Variants in ANXA8 observed in about 807,000 individuals in gnomAD.
The protein encoded by ANXA8 is annexin A8.
A neutral mutation model predicts 26.8 loss-of-function variants in ANXA8; 9 were observed. That is an observed-to-expected ratio of 0.34 (90% confidence interval 0.20 to 0.59). The LOEUF is 0.59. Among genes scored for constraint, ANXA8 ranks in the 20% least tolerant of loss-of-function variants. The pLI, the probability that ANXA8 is intolerant of heterozygous loss-of-function variation, is 0.84. For missense variants in ANXA8, 83 were observed against 238.5 expected (o/e 0.35, Z 4.29); for synonymous variants, 39 against 94.8 (o/e 0.41, Z 3.42).
chr10:47,633,835 C>A, the ANXA8 span, among the ~76,000 whole-genome samples: 5 of 149,776 alleles, frequency 3.3e-5, no homozygotes, highest in African/African-American at 1.0e-4. Flanking sequence ...TTTCAAAATA[C>A]CACTCAAATG....
the ANXA8 span, among the ~76,000 whole-genome samples, chr10:47,686,116 C>G: frequency 6.6e-6 from 1 of 151,572 alleles, no homozygotes; most frequent in Non-Finnish European, 1.5e-5. Context: ...GTCCTAAGAG[C>G]CTACGAAAAA....
At chr10:47,769,123 G>A in the ANXA8 span, among the ~76,000 whole-genome samples, 2 of 141,408 alleles carry the variant, frequency 1.4e-5, no homozygotes, top group Non-Finnish European at 3.0e-5. Flanking sequence ...GTAGAGGAGG[G>A]AGCAAGTGGC....
At chr10:47,652,338 C>T in the ANXA8 span, among the ~76,000 whole-genome samples, 2 of 151,724 alleles carry the variant, frequency 1.3e-5, no homozygotes, top group African/African-American at 4.9e-5. Flanking sequence ...TGGCTGAAGC[C>T]TGTAATCCCA....
At chr10:47,647,182 A>G in the ANXA8 span, among the ~76,000 whole-genome samples, 1 of 152,252 alleles carries the variant, frequency 6.6e-6, no homozygotes, top group Non-Finnish European at 1.5e-5. Flanking sequence ...TATAAAAGTT[A>G]CAATCCTTAT....
chr10:47,745,734 GGTTCATTGCGTT>G, the ANXA8 span, among the ~76,000 whole-genome samples: 1 of 135,168 alleles, frequency 7.4e-6, no homozygotes, highest in African/African-American at 2.6e-5. Context: ...ACATCAGCAT[GGTTCATTGCGTT>G]GTCCACCTGA....
chr10:47,744,238 CTCTG>C, the ANXA8 span, among the ~76,000 whole-genome samples: 2 of 149,684 alleles, frequency 1.3e-5, no homozygotes, highest in African/African-American at 2.4e-5. Flanking sequence ...TGCAGGGCGT[CTCTG>C]TCTTTTTTGA....
chr10:47,582,221 G>A, the ANXA8 span: 1 of 169,816 alleles, frequency 5.9e-6, no homozygotes, highest in East Asian at 1.4e-4. Context: ...CTTGTGCTTT[G>A]CCTTCCACTT....
chr10:47,641,142 C>T, the ANXA8 span, among the ~76,000 whole-genome samples: 1 of 150,746 alleles, frequency 6.6e-6, no homozygotes, highest in African/African-American at 2.5e-5. Context: ...AAATGATGGT[C>T]ATATCTACTT....
the ANXA8 span, among the ~76,000 whole-genome samples, chr10:47,497,319 CAA>C: frequency 0.07 from 6,452 of 92,104 alleles, 209 homozygotes; most frequent in East Asian, 0.2. Context: ...AAGTCCATCA[CAA>C]AAAAAAAAAA....
At chr10:47,549,506 A>G in the ANXA8 span, 1 of 686,126 alleles carries the variant, frequency 1.5e-6, no homozygotes, top group Non-Finnish European at 2.5e-6. Flanking sequence ...ACAGGAGTGT[A>G]CCAGAAGTTC....
At chr10:47,733,245 T>C in the ANXA8 span, among the ~76,000 whole-genome samples, 1,268 of 80,088 alleles carry the variant, frequency 0.016, 14 homozygotes, top group Middle Eastern at 0.034. Flanking sequence ...CTTTCTTTCT[T>C]TCTTTCTTTC....
chr10:47,942,164 C>T, the ANXA8 span, among the ~76,000 whole-genome samples: 1 of 146,818 alleles, frequency 6.8e-6, no homozygotes, highest in Non-Finnish European at 1.5e-5. Context: ...TTTGTTTGTA[C>T]TTTTTATATT....
chr10:47,587,068 G>A, the ANXA8 span, among the ~76,000 whole-genome samples: 6 of 147,182 alleles, frequency 4.1e-5, no homozygotes, highest in Admixed American at 6.6e-5. Context: ...AGCTGGGCAC[G>A]GTGGTGTGTG....
At chr10:47,469,349 G>T (rs1361924622) in intron 11 of ANXA8, among the ~76,000 whole-genome samples, 2 of 151,942 alleles carry the variant, frequency 1.3e-5, no homozygotes, top group African/African-American at 4.8e-5. Flanking sequence ...AGGGAGCCTG[G>T]ACCATCGCAC....
At chr10:47,502,962 G>C in the ANXA8 span, 26 of 1,584,734 alleles carry the variant, frequency 1.6e-5, 5 homozygotes, top group Non-Finnish European at 2.2e-5. Flanking sequence ...GGGGCGGGTT[G>C]AGCTTGGGGC....
At chr10:47,555,280 C>G in the ANXA8 span, among the ~76,000 whole-genome samples, 1 of 151,590 alleles carries the variant, frequency 6.6e-6, no homozygotes, top group Middle Eastern at 3.4e-3. Context: ...CTAGTAAGTT[C>G]CAGTGGTATA....
chr10:47,482,256 G>A (rs1377865520), intron 1 of ANXA8, among the ~76,000 whole-genome samples: 1 of 126,270 alleles, frequency 7.9e-6, no homozygotes, highest in Non-Finnish European at 1.6e-5. Flanking sequence ...ACCAGGGTAT[G>A]GTTTTGGCCC....
chr10:47,693,292 C>CTTTT, the ANXA8 span, among the ~76,000 whole-genome samples: 6,124 of 140,402 alleles, frequency 0.044, 387 homozygotes, highest in African/African-American at 0.16. Context: ...CAAGTACAAT[C>CTTTT]TTTTTTTTTT....
the ANXA8 span, among the ~76,000 whole-genome samples, chr10:47,506,600 G>T: frequency 7.0e-6 from 1 of 142,270 alleles, no homozygotes; most frequent in Non-Finnish European, 1.5e-5. Flanking sequence ...AAAATGCTGG[G>T]ATTACAGGTG....
Sources: gnomAD v4.1 joint callset for allele counts (sites outside exome capture counted in the v4.1 genomes callset) on GRCh38, gnomAD v4.1.1 for gene constraint, MANE v1.5 for transcripts, NCBI Gene and HGNC (gene_info 2026-07-23, HGNC 2026-07-21) for gene names.